MACF1: variants seen among roughly 807,000 people sequenced by gnomAD.
MACF1 encodes microtubule actin crosslinking factor 1, also known as microtubule-actin cross-linking factor 1.
Under a neutral mutation model 854.8 loss-of-function variants are expected in MACF1, and 193 were observed. The ratio of observed to expected loss-of-function variants is 0.23; its 90% CI spans 0.20 to 0.25. The LOEUF is 0.25. Ranked by LOEUF, MACF1 falls within the 10% of genes least tolerant of loss-of-function variation. The pLI, the probability that MACF1 is intolerant of heterozygous loss-of-function variation, is 1.00. For synonymous variants in MACF1, 3,185 were observed against 3,226.7 expected, an observed-to-expected ratio of 0.99 and a Z score of 0.44; for missense variants, 7,722 against 8,929.1, an observed-to-expected ratio of 0.86 and a Z score of 5.45.
chr1:39,378,654 G>A (rs1227074604), intron 53 of MACF1, 131 bp downstream of exon 53: 23 of 842,740 alleles, frequency 2.7e-5, no homozygotes, highest in Non-Finnish European at 4.3e-5. Context: ...AAAATCTGGG[G>A]AGAAGCAACT....
chr1:39,324,196 G>C lies in MACF1; in HGVS notation c.4240G>C (p.Val1414Leu). 1 of 1,598,526 alleles carries C rather than the reference G, an allele frequency of 6.3e-7. No homozygotes were observed. Among genetic ancestry groups the C allele is most frequent in the South Asian group, 1.1e-5 (1 of 88,438 alleles). ...ALRRLEEEEK[V>L]VEEEKQEHVE... ...GATTTTCTATTTCCTATTCTAGAAA[G>C]TGGTAGAAGAGGAGAAACAAGAACA... Residue 1414 changes from valine to leucine, a missense_variant, in exon 34 of 101, where the codon GTG becomes CTG. By Grantham distance (32) the Val-to-Leu change is conservative (BLOSUM62 1). Transcript: ENST00000564288.
Position 39,084,241 on chromosome 1 carries a change from C to T in MACF1, c.23C>T (p.Thr8Met), listed in dbSNP as rs748197494. The T allele has an allele frequency of 1.5e-5, 24 of 1,611,690 alleles. No homozygotes were observed. The highest frequency in any genetic ancestry group is 1.4e-5 in the Non-Finnish European group (16 of 1,179,276). Residue 8 changes from threonine (T) to methionine (M), a missense_variant, in exon 2 of 94, where the codon ACG (threonine) becomes ATG (methionine). By Grantham distance (81) the Thr-to-Met change is moderately conservative (BLOSUM62 -1). Transcript: ENST00000361689. This position sits in a 1 kb window ranked among gnomAD's most constrained non-coding sequence, Gnocchi z 5.2. Reference sequence around the variant, plus strand: ...GCCATGTCTTCCTCAGATGAAGAGACGCTCAGTGAGCGGTCATGTCGGAGT... The same window carrying T: ...GCCATGTCTTCCTCAGATGAAGAGATGCTCAGTGAGCGGTCATGTCGGAGT...
At position 39,459,246 on chromosome 1, in the gene MACF1, G is replaced by C; in HGVS notation, c.21357G>C (p.Glu7119Asp). ...RKLNDALDRL[E>D]ELKEFANFDF... ...TGAATGATGCCTTGGATCGGCTGGA[G>C]GAGGTAATGCCCTGCTGAGTGGCCT... is the stretch of plus-strand genomic sequence containing the variant. Residue 7119 changes from glutamate (E) to aspartate (D), a missense_variant, in exon 91 of 101, where the codon GAG (glutamate) becomes GAC (aspartate). By Grantham distance (45) the Glu-to-Asp change is conservative. This residue lies in a region of MACF1 where 729 missense variants were observed against 900.5 expected (regional missense o/e 0.81). Transcript: ENST00000564288. 6.2e-7 allele frequency: 1 copy of C among 1,612,860 alleles called. No homozygotes were observed.
rs1444826102 is a variant in MACF1 at position 39,411,093 on chromosome 1, C to T, written c.15817-11281C>T. 7 of 1,613,382 alleles carry T rather than the reference C, an allele frequency of 4.3e-6. No individual in the cohort carries two copies. In the Admixed American group the frequency reaches 1.2e-4, roughly 27 times the overall value. ...AGGGAGGCTTCAGTGAGAAGCAGCA[C>T]CCCCTTGGGGACACAGCCTGCACTG... On this transcript the variant is annotated intron_variant, in intron 58 of 100. Transcript: ENST00000564288.
intron 2 of MACF1, among the ~76,000 whole-genome samples, chr1:39,235,042 G>T (rs1401161423): frequency 6.6e-6 from 1 of 151,568 alleles, no homozygotes; most frequent in East Asian, 2.0e-4. Context: ...AGGCAGAGGG[G>T]CTCCTCACAT....
Position 39,385,656 on chromosome 1 carries a change from C to T in MACF1, c.14071C>T (p.Leu4691=), listed in dbSNP as rs140996874. 31 of 1,614,184 alleles carry T rather than the reference C, an allele frequency of 1.9e-5. No individual in the cohort carries two copies. In the African/African-American group the frequency reaches 3.9e-4, roughly 20 times the overall value. Residue 4691 remains leucine, a synonymous_variant, in exon 57 of 101, where the codon CTG becomes TTG. Coordinates refer to ENST00000564288, the MANE Select transcript of MACF1 (RefSeq NM_001394062.1). ...AIVKSTQYQE[L]LQDLSEKVRA... is the part of the protein sequence containing the mutation. ...TGTTAAGAGCACCCAGTACCAGGAA[C>T]TGCTCCAGGACTTATCAGAGAAGGT...
chr1:39,313,229 G>A (rs1353944444), intron 26 of MACF1, among the ~76,000 whole-genome samples: 1 of 152,158 alleles, frequency 6.6e-6, no homozygotes, highest in Non-Finnish European at 1.5e-5. Context: ...TGGTATATTA[G>A]TGTGTCATAT....
intron 56 of MACF1, among the ~76,000 whole-genome samples, chr1:39,384,899 A>C (rs1650551242): frequency 6.6e-6 from 1 of 152,252 alleles, no homozygotes; most frequent in African/African-American, 2.4e-5. Flanking sequence ...CAAATAAGGA[A>C]AAGAAATAAA....
chr1:39,393,181 TAAA>T lies in MACF1; in HGVS notation c.15816+4537_15816+4539del, dbSNP rs1192045357. 9.5e-4 allele frequency among the ~76,000 whole-genome samples: 86 copies of T among 90,240 alleles called. 3 individuals carry two copies. The highest frequency in any genetic ancestry group is 2.8e-3 in the African/African-American group (58 of 20,432). 59.2% of individuals were successfully genotyped at this position (90,240 alleles called of 152,430 possible). A position where few individuals can be genotyped will look rare whatever the true frequency, so the allele number is the denominator to read the frequency against. On this transcript the variant is annotated intron_variant, in intron 58 of 100. Transcript: ENST00000564288. Reference sequence around the variant, plus strand: ...CCTAGAGTGACCTTCCTGGGAAGGGTAAAAAAAAAAAAAAAATATATATATATA... The same window carrying T: ...CCTAGAGTGACCTTCCTGGGAAGGGTAAAAAAAAAAAAATATATATATATA...
intron 26 of MACF1, among the ~76,000 whole-genome samples, chr1:39,313,181 A>G (rs754379281): frequency 1.3e-5 from 2 of 152,070 alleles, no homozygotes; most frequent in African/African-American, 2.4e-5. Flanking sequence ...AGGTCTTACA[A>G]TTTTGGCAGG....
intron 99 of MACF1, among the ~76,000 whole-genome samples, chr1:39,481,657 T>G (rs918735230): frequency 1.3e-5 from 2 of 152,220 alleles, no homozygotes; most frequent in Non-Finnish European, 2.9e-5. Flanking sequence ...TTAAGCATGT[T>G]CAAGTGCAGC....
At chr1:39,216,224 C>T (rs1644576069) in intron 1 of MACF1, among the ~76,000 whole-genome samples, 1 of 152,142 alleles carries the variant, frequency 6.6e-6, no homozygotes, top group African/African-American at 2.4e-5. Flanking sequence ...AATTGTCTCT[C>T]CTACTTTCTA....
At chr1:39,478,436 C>G (rs1009156152) in intron 97 of MACF1, among the ~76,000 whole-genome samples, 1 of 152,162 alleles carries the variant, frequency 6.6e-6, no homozygotes, top group Non-Finnish European at 1.5e-5. Flanking sequence ...TTGACCTGAT[C>G]GCCTCTGGTG....
At position 39,389,786 on chromosome 1, in the gene MACF1, CAT is replaced by C. The variant is rs1425825607; in HGVS notation, c.15816+1130_15816+1131del. On this transcript the variant is annotated intron_variant, in intron 58 of 100. Transcript: ENST00000564288. ...ATATTTGATATATTATGGAATAAAA[CAT>C]AAAATTATCATTAATTGTTAAGATA... is the stretch of plus-strand genomic sequence containing the variant. Among the ~76,000 whole-genome samples, 6 of 152,074 alleles carry C rather than the reference CAT, an allele frequency of 3.9e-5. No individual in the cohort carries two copies. In the East Asian group the frequency reaches 9.6e-4, roughly 24 times the overall value.
At chr1:39,448,840 G>C (rs540086887) in intron 84 of MACF1, 77 bp downstream of exon 84, 1 of 1,255,334 alleles carries the variant, frequency 8.0e-7, no homozygotes, top group Non-Finnish European at 1.1e-6. Context: ...CTATAAAATG[G>C]TGATAAAGCT....
At chr1:39,202,006 T>A (rs1163135853), upstream of MACF1, among the ~76,000 whole-genome samples, 2 of 108,794 alleles carry the variant, frequency 1.8e-5, no homozygotes, top group African/African-American at 7.0e-5. Context: ...TCACTCTGTC[T>A]CCCAGGCTGG....
At chr1:39,360,486 G>A (rs1290797761) in intron 47 of MACF1, among the ~76,000 whole-genome samples, 2 of 151,694 alleles carry the variant, frequency 1.3e-5, no homozygotes, top group Non-Finnish European at 2.9e-5. Context: ...TGATACTAAT[G>A]CATTTCAAAC....
intron 20 of MACF1, among the ~76,000 whole-genome samples, chr1:39,296,854 A>AAG (rs1557571670): frequency 6.6e-6 from 1 of 151,074 alleles, no homozygotes; most frequent in African/African-American, 2.5e-5. Flanking sequence ...AAAAGAAAGA[A>AAG]AGAGAGAAAG....
rs1308090024 is a variant in MACF1 at position 39,340,590 on chromosome 1, A to T, written c.10304A>T (p.Glu3435Val). ...VNQIIISQPQEVPAQLLKALE... is the reference protein window; with the variant it reads ...VNQIIISQPQVVPAQLLKALE... ...CAGATTATCATCAGCCAGCCTCAAG[A>T]AGTTCCTGCTCAACTGTTGAAGGCT... The change falls in exon 39 of 101, where the codon GAA (glutamate) becomes GTA (valine). Residue 3435 changes from glutamate to valine, a missense_variant. By Grantham distance (121) the Glu-to-Val change is moderately radical. Coordinates refer to ENST00000564288, the MANE Select transcript of MACF1 (RefSeq NM_001394062.1). 6.2e-7 allele frequency: 1 copy of T among 1,614,204 alleles called. No individual in the cohort carries two copies. The highest frequency in any genetic ancestry group is 8.5e-7 in the Non-Finnish European group (1 of 1,180,032).
Sources: gnomAD v4.1 joint callset for allele counts (sites outside exome capture counted in the v4.1 genomes callset) on GRCh38, gnomAD v4.1.1 for gene constraint, gnomAD v4.1.1 regional missense constraint, Gnocchi (gnomAD v3.1) non-coding constraint, MANE v1.5 for transcripts, NCBI Gene and HGNC (gene_info 2026-07-23, HGNC 2026-07-21) for gene names.